RNF213: variants seen among roughly 807,000 people sequenced by gnomAD.
The protein encoded by RNF213 is E3 ubiquitin-protein ligase RNF213.
A neutral mutation model predicts 514.4 loss-of-function variants in RNF213; 341 were observed. That is an observed-to-expected ratio of 0.66 (90% confidence interval 0.61 to 0.73). RNF213 has a LOEUF of 0.73. Ranked by LOEUF, RNF213 falls within the 30% of genes least tolerant of loss-of-function variation. The probability of loss-of-function intolerance (pLI) is 0.00; values close to 1 mark genes in which losing one functional copy is unlikely to be tolerated. For missense variants in RNF213, 5,767 were observed against 6,615.6 expected, an observed-to-expected ratio of 0.87 and a Z score of 4.45; for synonymous variants, 2,655 against 2,658.2, an observed-to-expected ratio of 1.00 and a Z score of 0.04.
rs192281057 is a variant in RNF213, at chr17:80,353,151, G to A, written c.10423+92G>A. 9.7e-6 allele frequency: 15 copies of A among 1,549,004 alleles called. No individual in the cohort carries two copies. In the East Asian group the frequency reaches 1.8e-4, roughly 19 times the overall value. On this transcript the variant is annotated intron_variant, in intron 33 of 67. Coordinates refer to ENST00000582970, the MANE Select transcript of RNF213 (RefSeq NM_001256071.3). This position sits in a 1 kb window ranked among gnomAD's most constrained non-coding sequence, Gnocchi z 5.0. ...GGCGTGCACATGGCACTAGGAGCAG[G>A]GCCACCGTGTTTCGTCCCTCGGCAG...
At position 80,339,296 on chromosome 17, in the gene RNF213, C is replaced by T; in HGVS notation, c.4929C>T (p.Cys1643=). 6.5e-7 allele frequency: 1 copy of T among 1,536,496 alleles called. No individual in the cohort carries two copies. The highest frequency in any genetic ancestry group is 1.2e-5 in the South Asian group (1 of 84,048). ...LFRTWIAMAY[C]SPKQGVSLQM... is the part of the protein sequence containing the mutation. ...GGACGTGGATCGCCATGGCCTACTGCTCCCCCAAGCAGGGTGTGTCCCTCC... is the reference window on the plus strand; with the variant it reads ...GGACGTGGATCGCCATGGCCTACTGTTCCCCCAAGCAGGGTGTGTCCCTCC... Residue 1643 remains cysteine, a synonymous_variant, in exon 26 of 68, where the codon TGC becomes TGT. Coordinates refer to ENST00000582970, the MANE Select transcript of RNF213 (RefSeq NM_001256071.3).
rs1215830095 is a variant in RNF213 at position 80,356,281 on chromosome 17, C to T, written c.10862+1705C>T. ...CCTCCCGAAGTGCTGGGATTCCAGG[C>T]GTGAGCCAGTGTGCCCGGCCTGTTG... On this transcript the variant is annotated intron_variant, in intron 36 of 67. Coordinates refer to ENST00000582970, the MANE Select transcript of RNF213 (RefSeq NM_001256071.3). 5.3e-5 allele frequency among the ~76,000 whole-genome samples: 8 copies of T among 152,240 alleles called. No homozygotes were observed. The East Asian group carries it at 7.7e-4, about 15-fold the overall frequency.
Position 80,339,185 on chromosome 17 carries a change from G to A in RNF213, c.4834-16G>A. The A allele has an allele frequency of 6.8e-7, 1 of 1,461,180 alleles. No homozygotes were observed. The highest frequency in any genetic ancestry group is 9.0e-7 in the Non-Finnish European group (1 of 1,108,892). 90.5% of individuals were successfully genotyped at this position (1,461,180 alleles called of 1,614,324 possible). A position where few individuals can be genotyped will look rare whatever the true frequency, so the allele number is the denominator to read the frequency against. On this transcript the variant is annotated splice_polypyrimidine_tract_variant and intron_variant, in intron 25 of 67. Transcript: ENST00000582970. ...GCATGGCTCTGTGAGCCAACCTCATGGTTCTGCCTCTCCAGGTCTTCTGCA... is the reference window on the plus strand; with the variant it reads ...GCATGGCTCTGTGAGCCAACCTCATAGTTCTGCCTCTCCAGGTCTTCTGCA...
At position 80,373,070 on chromosome 17, in the gene RNF213, C is replaced by A. The variant is rs62077764; in HGVS notation, c.12847C>A (p.Leu4283Ile). 102,825 of 1,613,964 alleles carry A rather than the reference C, an allele frequency of 0.064. 3,829 individuals are homozygous for A. The highest frequency in any genetic ancestry group is 0.077 in the Non-Finnish European group (91,029 of 1,179,980). Residue 4283 changes from leucine (L) to isoleucine (I), a missense_variant, in exon 49 of 68, where the codon CTC becomes ATC. This residue lies in a region of RNF213 where 1,245 missense variants were observed against 1,339.0 expected (regional missense o/e 0.93). Transcript: ENST00000582970. Reference protein sequence around the residue: ...DWHRVYLVRKLSSQRGMEFVQ... With the variant: ...DWHRVYLVRKISSQRGMEFVQ... ...GCACCGGGTGTACCTGGTGCGGAAG[C>A]TCAGCAGCCAGCGGGGGATGGAGTT...
rs1163572606 is a variant in RNF213 at position 80,264,606 on chromosome 17, C to G, written c.97+828C>G. Among the ~76,000 whole-genome samples the G allele has an allele frequency of 6.6e-6, 1 of 152,100 alleles. No homozygotes were observed. Among genetic ancestry groups the G allele is most frequent in the African/African-American group, 2.4e-5 (1 of 41,412 alleles). On this transcript the variant is annotated intron_variant, in intron 2 of 67. Transcript: ENST00000582970. The surrounding 1 kb of genome is among the most constrained non-coding windows in gnomAD (Gnocchi z 5.0). ...CAGCTGCTTCTATCGGACCCATCACCCCGGGGCCCTCTCCTTCCTCCATGA... is the reference window on the plus strand; with the variant it reads ...CAGCTGCTTCTATCGGACCCATCACGCCGGGGCCCTCTCCTTCCTCCATGA...
chr17:80,313,581 G>C, intron 15 of RNF213, among the ~76,000 whole-genome samples: 2 of 148,430 alleles, frequency 1.3e-5, no homozygotes, highest in Non-Finnish European at 3.0e-5. Context: ...GGTCATGGAG[G>C]TGGTGGAGGT....
At chr17:80,270,230 C>T (rs1429354203) in intron 2 of RNF213, among the ~76,000 whole-genome samples, 2 of 152,378 alleles carry the variant, frequency 1.3e-5, no homozygotes, top group Middle Eastern at 3.4e-3. Context: ...CTGGCTCTGC[C>T]ACCCAGCAGG....
In RNF213 at chr17:80,364,529, C is replaced by G; in HGVS notation, c.11847C>G (p.Thr3949=). 1.2e-6 allele frequency: 2 copies of G among 1,614,132 alleles called. No individual in the cohort carries two copies. The highest frequency in any genetic ancestry group is 1.7e-5 in the Admixed American group (1 of 60,014). Residue 3949 remains threonine (T), a synonymous_variant, in exon 42 of 68, where the codon ACC becomes ACG. Transcript: ENST00000582970. ...TCCCCGAGTTACAGGGGCTGGTGACCGAGCACGTCTTCTTACTAGACAAGG... is the reference window on the plus strand; with the variant it reads ...TCCCCGAGTTACAGGGGCTGGTGACGGAGCACGTCTTCTTACTAGACAAGG... ...SRVPELQGLV[T]EHVFLLDKCL... is the part of the protein sequence containing the mutation.
intron 3 of RNF213, among the ~76,000 whole-genome samples, chr17:80,279,455 C>A (rs1028995992): frequency 1.3e-5 from 2 of 151,834 alleles, no homozygotes; most frequent in Non-Finnish European, 2.9e-5. Flanking sequence ...TTCTCTTTTT[C>A]TTTTCTTTCT....
chr17:80,379,680 G>A lies in RNF213; in HGVS notation c.13606G>A (p.Asp4536Asn). Residue 4536 changes from aspartate to asparagine, a missense_variant, in exon 55 of 68, where the codon GAC becomes AAC. Transcript: ENST00000582970. ...IDCHAPIGGI[D>N]HKPRDGFHLV... The stretch of plus-strand genomic sequence containing the variant: ...CTGCCATGCGCCGATTGGAGGCATT[G>A]ACCACAAACCTCGGGACGGCTTTCA... 1 of 1,614,222 alleles carries A rather than the reference G, an allele frequency of 6.2e-7. No homozygotes were observed. The highest frequency in any genetic ancestry group is 8.5e-7 in the Non-Finnish European group (1 of 1,180,042).
At chr17:80,291,921 T>C in intron 8 of RNF213, 94 bp downstream of exon 8, 2 of 1,401,444 alleles carry the variant, frequency 1.4e-6, no homozygotes, top group South Asian at 1.2e-5. Context: ...GCACAGACTT[T>C]GCCTGGGCAG....
intron 65 of RNF213, 149 bp downstream of exon 65, chr17:80,389,516 G>A (rs2080376119): frequency 2.6e-6 from 2 of 762,712 alleles, no homozygotes; most frequent in East Asian, 2.7e-5. Flanking sequence ...AGTCAGTCCA[G>A]CATAAACAGG....
rs960143799 is a variant in RNF213, at chr17:80,393,888, T to C, written c.*390T>C. 3 of 229,054 alleles carry C rather than the reference T, an allele frequency of 1.3e-5. No individual in the cohort carries two copies. Among genetic ancestry groups the C allele is most frequent in the Admixed American group, 5.2e-5 (1 of 19,260 alleles). 14.2% of individuals were successfully genotyped at this position (229,054 alleles called of 1,614,324 possible). A position where few individuals can be genotyped will look rare whatever the true frequency, so the allele number is the denominator to read the frequency against. ...ACCCCTCTTTTTTTTTTTCTTCTAA[T>C]TCTGTACTCACAAAAGAGAATCTCA... On this transcript the variant is annotated 3_prime_UTR_variant, in exon 68 of 68. Coordinates refer to ENST00000582970, the MANE Select transcript of RNF213 (RefSeq NM_001256071.3).
At chr17:80,271,156 TG>T (rs147411310) in intron 2 of RNF213, among the ~76,000 whole-genome samples, 2,888 of 152,198 alleles carry the variant, frequency 0.019, 56 homozygotes, top group East Asian at 0.11. Flanking sequence ...TCAGAATCCC[TG>T]GTTGTAGGTG....
Position 80,339,076 on chromosome 17 carries a change from G to A in RNF213, c.4834-125G>A, listed in dbSNP as rs185365088. 413 of 593,344 alleles carry A rather than the reference G, an allele frequency of 7.0e-4. 4 individuals carry two copies. In the African/African-American group the frequency reaches 7.5e-3, roughly 11 times the overall value. 36.8% of individuals were successfully genotyped at this position (593,344 alleles called of 1,614,324 possible). ...AGATGAGGAGGGAGGCCTTGTGAGC[G>A]CAGATCATGCAGTGGGCCTGTGGAC... On this transcript the variant is annotated intron_variant, in intron 25 of 67. Coordinates refer to ENST00000582970, the MANE Select transcript of RNF213 (RefSeq NM_001256071.3).
At position 80,327,922 on chromosome 17, in the gene RNF213, G is replaced by A. The variant is rs776358704; in HGVS notation, c.3300G>A (p.Thr1100=). 1.1e-5 allele frequency: 17 copies of A among 1,537,126 alleles called. No homozygotes were observed. Among genetic ancestry groups the A allele is most frequent in the Non-Finnish European group, 1.4e-5 (16 of 1,146,914 alleles). ...TKVVGDLLSG[T]ILVGQLELII... ...TTGTTGGTGACCTCCTAAGTGGCAC[G>A]ATTTTAGTTGGACAACTGGAGCTGA... Residue 1100 remains threonine (T), a synonymous_variant, in exon 19 of 68, where the codon ACG becomes ACA. Coordinates refer to ENST00000582970, the MANE Select transcript of RNF213 (RefSeq NM_001256071.3).
At position 80,293,376 on chromosome 17, in the gene RNF213, TA is replaced by T. The variant is rs372882150; in HGVS notation, c.1472-1343del. Among the ~76,000 whole-genome samples the T allele has an allele frequency of 1.5e-3, 224 of 152,254 alleles. 1 individual carries two copies. The highest frequency in any genetic ancestry group is 5.2e-3 in the African/African-American group (215 of 41,562). ...GTGCCCAGCCAAACATGATTTTTAC[TA>T]GCTAGAGAGTGTACTCTGAGAACAT... On this transcript the variant is annotated intron_variant, in intron 8 of 67. Transcript: ENST00000582970.
At position 80,263,918 on chromosome 17, in the gene RNF213, G is replaced by A. The variant is rs538763027; in HGVS notation, c.97+140G>A. On this transcript the variant is annotated intron_variant, in intron 2 of 67. Coordinates refer to ENST00000582970, the MANE Select transcript of RNF213 (RefSeq NM_001256071.3). This position sits in a 1 kb window ranked among gnomAD's most constrained non-coding sequence, Gnocchi z 4.9. ...TCCTCTGTGGCTACTGAGGCTCTGT[G>A]GCTCTGAATAGCCATCTCAAAAGTG... 2.6e-4 allele frequency: 178 copies of A among 682,638 alleles called. No individual in the cohort carries two copies. The South Asian group carries it at 2.8e-3, about 11-fold the overall frequency. 42.3% of individuals were successfully genotyped at this position (682,638 alleles called of 1,614,324 possible).
intron 10 of RNF213, 72 bp downstream of exon 10, chr17:80,295,885 C>T: frequency 6.4e-7 from 1 of 1,555,188 alleles, no homozygotes; most frequent in Non-Finnish European, 8.8e-7. Flanking sequence ...AAAATAAGTG[C>T]TTGACTAGAG....
Sources: allele counts gnomAD v4.1 joint callset (sites outside exome capture counted in the v4.1 genomes callset), GRCh38; gene constraint gnomAD v4.1.1; regional missense constraint gnomAD v4.1.1; non-coding constraint Gnocchi (gnomAD v3.1); transcripts MANE v1.5; gene names NCBI Gene and HGNC (gene_info 2026-07-23, HGNC 2026-07-21).